ADAM22: variants seen among roughly 807,000 people sequenced by gnomAD.
The protein encoded by ADAM22 is ADAM metallopeptidase domain 22.
A neutral mutation model predicts 144.6 loss-of-function variants in ADAM22; 65 were observed. The observed-to-expected ratio is 0.45, with a 90% CI of 0.37 to 0.55. The LOEUF is 0.55. ADAM22 is among the 20% of genes least tolerant of loss of function. The pLI is 0.00. For synonymous variants in ADAM22, 391 were observed against 412.6 expected, an observed-to-expected ratio of 0.95 and a Z score of 0.63; for missense variants, 974 against 1,184.9, an observed-to-expected ratio of 0.82 and a Z score of 2.61.
Position 87,934,306 on chromosome 7 carries a change from G to A in ADAM22, c.-160G>A, listed in dbSNP as rs1376915053. ...TCCGCGAAGCACAATGCAGCACTGAGCCGCGGTGGAGGTTGCAGCGCCACG... is the reference window on the plus strand; with the variant it reads ...TCCGCGAAGCACAATGCAGCACTGAACCGCGGTGGAGGTTGCAGCGCCACG... On this transcript the variant is annotated 5_prime_UTR_variant, in exon 1 of 32. Coordinates refer to ENST00000413139, the MANE Select transcript of ADAM22 (RefSeq NM_001324418.2). 2 of 611,020 alleles carry A rather than the reference G, an allele frequency of 3.3e-6. No homozygotes were observed. The highest frequency in any genetic ancestry group is 4.0e-5 in the African/African-American group (2 of 50,256). 37.8% of individuals were successfully genotyped at this position (611,020 alleles called of 1,614,324 possible). A position where few individuals can be genotyped will look rare whatever the true frequency, so the allele number is the denominator to read the frequency against.
At chr7:88,099,569 A>T (rs1040119132) in intron 4 of ADAM22, among the ~76,000 whole-genome samples, 1 of 152,204 alleles carries the variant, frequency 6.6e-6, no homozygotes, top group African/African-American at 2.4e-5. Flanking sequence ...ATAGTCCAGA[A>T]GAATCTCAGA....
rs114908638 is a variant in ADAM22, at chr7:88,106,226, C to T, written c.391-1950C>T. On this transcript the variant is annotated intron_variant, in intron 4 of 31. Transcript: ENST00000413139. ...ATGTGAAGTACCACCCTATCTTCTC[C>T]ATTAAATGCAACCGCAACCCTCAGT... Among the ~76,000 whole-genome samples, 688 of 152,226 alleles carry T rather than the reference C, an allele frequency of 4.5e-3. 6 individuals are homozygous for T. Among genetic ancestry groups the T allele is most frequent in the African/African-American group, 0.016 (646 of 41,546 alleles).
chr7:88,187,230 C>T (rs1848528929), intron 30 of ADAM22, among the ~76,000 whole-genome samples: 1 of 152,190 alleles, frequency 6.6e-6, no homozygotes, highest in Admixed American at 6.5e-5. Context: ...ACATTGACCA[C>T]ATGGGAGTAT....
In ADAM22 at chr7:88,145,467, A is replaced by G. The variant is rs765869550; in HGVS notation, c.1445A>G (p.Asp482Gly). The change falls in exon 17 of 32, where the codon GAC (aspartate) becomes GGC (glycine). Residue 482 changes from aspartate (D) to glycine (G), a missense_variant. By Grantham distance (94) the Asp-to-Gly change is moderately conservative. Transcript: ENST00000413139. ...TGTAAGAAATGCACCTTGACTCAAGACTCTCAATGCAGTGACGGTCTTTGC... is the reference window on the plus strand; with the variant it reads ...TGTAAGAAATGCACCTTGACTCAAGGCTCTCAATGCAGTGACGGTCTTTGC... ...ECCKKCTLTQ[D>G]SQCSDGLCCK... 1 of 1,613,794 alleles carries G rather than the reference A, an allele frequency of 6.2e-7. No homozygotes were observed. The highest frequency in any genetic ancestry group is 2.2e-5 in the East Asian group (1 of 44,866).
At chr7:88,024,522 A>G (rs1186536708) in intron 3 of ADAM22, among the ~76,000 whole-genome samples, 1 of 152,050 alleles carries the variant, frequency 6.6e-6, no homozygotes, top group Admixed American at 6.6e-5. Flanking sequence ...ATTTTTGCCA[A>G]TATTTTAATT....
chr7:88,110,796 G>A, intron 5 of ADAM22, among the ~76,000 whole-genome samples: 2 of 136,540 alleles, frequency 1.5e-5, no homozygotes, highest in Non-Finnish European at 3.1e-5. Flanking sequence ...AGGCTGAAGT[G>A]CAGTGGTATG....
chr7:88,053,167 C>T (rs1806996582), intron 3 of ADAM22, among the ~76,000 whole-genome samples: 2 of 152,122 alleles, frequency 1.3e-5, no homozygotes, highest in South Asian at 4.1e-4. Flanking sequence ...CACAGACACA[C>T]ATACTTACAG....
In ADAM22 at chr7:88,096,501, C is replaced by CAT. The variant is rs560239180; in HGVS notation, c.391-11664_391-11663dup. On this transcript the variant is annotated intron_variant, in intron 4 of 31. Transcript: ENST00000413139. ...TTTTTTTTGCTGTTGTCCACACACA[C>CAT]ATATATATATATTCCATAACTTATA... Among the ~76,000 whole-genome samples, 1,068 of 150,870 alleles carry CAT rather than the reference C, an allele frequency of 7.1e-3. 3 individuals are homozygous for CAT. Among genetic ancestry groups the CAT allele is most frequent in the Admixed American group, 0.019 (281 of 15,152 alleles).
chr7:88,049,501 C>T (rs1353676447), intron 3 of ADAM22, among the ~76,000 whole-genome samples: 1 of 152,160 alleles, frequency 6.6e-6, no homozygotes, highest in African/African-American at 2.4e-5. Flanking sequence ...CGGATTCAAG[C>T]AATTCTCCTG....
intron 4 of ADAM22, among the ~76,000 whole-genome samples, chr7:88,076,990 GATAA>G (rs1814708840): frequency 6.6e-6 from 1 of 152,156 alleles, no homozygotes; most frequent in African/African-American, 2.4e-5. Flanking sequence ...ATCACTGAGA[GATAA>G]ATGTTTTCAT....
chr7:88,102,046 AT>A (rs1163471624), intron 4 of ADAM22, among the ~76,000 whole-genome samples: 1 of 152,136 alleles, frequency 6.6e-6, no homozygotes, highest in Non-Finnish European at 1.5e-5. Context: ...CTCTCAGTCT[AT>A]GGTTTCTCAC....
chr7:88,156,471 T>A (rs935516060), intron 22 of ADAM22, among the ~76,000 whole-genome samples: 7 of 152,236 alleles, frequency 4.6e-5, no homozygotes, highest in Middle Eastern at 3.4e-3. Context: ...GTGTGGCACA[T>A]GACTTATCAA....
intron 2 of ADAM22, among the ~76,000 whole-genome samples, chr7:87,974,957 T>C (rs953587879): frequency 3.9e-5 from 6 of 152,194 alleles, no homozygotes; most frequent in Non-Finnish European, 5.9e-5. Flanking sequence ...CTTCCACTTA[T>C]AAGGACTCAT....
chr7:88,082,152 G>A (rs1301186652), intron 4 of ADAM22, among the ~76,000 whole-genome samples: 3 of 152,050 alleles, frequency 2.0e-5, no homozygotes, highest in Non-Finnish European at 4.4e-5. Context: ...TAGACCAATG[G>A]AACAGAACAG....
intron 3 of ADAM22, among the ~76,000 whole-genome samples, chr7:88,038,524 G>T (rs531216601): frequency 6.9e-6 from 1 of 144,404 alleles, no homozygotes; most frequent in East Asian, 2.1e-4. Context: ...GTGCGATCTC[G>T]ACTCACTGCA....
chr7:88,047,417 C>G (rs369540806), intron 3 of ADAM22, among the ~76,000 whole-genome samples: 2 of 152,114 alleles, frequency 1.3e-5, no homozygotes, highest in Non-Finnish European at 2.9e-5. Flanking sequence ...AAGATCTTTT[C>G]TTTTCATGGA....
intron 2 of ADAM22, among the ~76,000 whole-genome samples, chr7:87,967,863 G>A (rs984148591): frequency 1.6e-4 from 24 of 147,772 alleles, no homozygotes; most frequent in Non-Finnish European, 2.8e-4. Context: ...GACAAAGTGT[G>A]CCAAGGTGCT....
At chr7:88,131,669 A>G in intron 11 of ADAM22, 3 of 501,126 alleles carry the variant, frequency 6.0e-6, no homozygotes. Context: ...AGATATTTAA[A>G]TAGAGCATTT....
chr7:88,134,737 G>T (rs975832549), intron 13 of ADAM22, among the ~76,000 whole-genome samples: 1 of 152,072 alleles, frequency 6.6e-6, no homozygotes, highest in Non-Finnish European at 1.5e-5. Context: ...AGGCATATAG[G>T]TTTCAGACGT....
Sources: allele counts gnomAD v4.1 joint callset (sites outside exome capture counted in the v4.1 genomes callset), GRCh38; gene constraint gnomAD v4.1.1; transcripts MANE v1.5; gene names NCBI Gene and HGNC (gene_info 2026-07-23, HGNC 2026-07-21).